IRAK3: variants seen among roughly 807,000 people sequenced by gnomAD.
The protein encoded by IRAK3 is interleukin-1 receptor-associated kinase 3.
In IRAK3, 57 loss-of-function variants were observed where a neutral mutation model predicts 56.6. The observed-to-expected ratio is 1.01, with a 90% confidence interval of 0.81 to 1.26. The LOEUF (loss-of-function observed/expected upper bound fraction) is 1.26. Ranked by LOEUF, IRAK3 falls within the 50% of genes most tolerant of loss-of-function variation. IRAK3 has a pLI of 0.00. For missense variants in IRAK3, 703 were observed against 719.0 expected (o/e 0.98, Z 0.25); for synonymous variants, 258 against 255.7 (o/e 1.01, Z -0.09).
At chr12:66,222,934 A>G (rs1269928114) in intron 6 of IRAK3, among the ~76,000 whole-genome samples, 2 of 152,074 alleles carry the variant, frequency 1.3e-5, no homozygotes, top group African/African-American at 4.8e-5. Context: ...GAGTCCGAAA[A>G]GAGAGTCAGC....
intron 1 of IRAK3, among the ~76,000 whole-genome samples, chr12:66,199,943 A>C (rs1169449194): frequency 6.6e-6 from 1 of 152,210 alleles, no homozygotes; most frequent in Non-Finnish European, 1.5e-5. Context: ...GCCTCTGTGA[A>C]ACATCATCTC....
chr12:66,254,423 T>G lies in IRAK3; in HGVS notation c.*6252T>G, dbSNP rs945939394. On this transcript the variant is annotated 3_prime_UTR_variant, in exon 12 of 12. Transcript: ENST00000261233. ...TAGACTACAGGATATATGTTGAATA[T>G]GAGCTCATTTATAACATTGAATATT... 2.0e-5 allele frequency: 3 copies of G among 152,178 alleles called. No individual in the cohort carries two copies. Among genetic ancestry groups the G allele is most frequent in the Non-Finnish European group, 4.4e-5 (3 of 68,000 alleles). The allele number at this position is 152,178 out of a possible 1,614,324, so 9.4% of individuals were successfully genotyped here. A position where few individuals can be genotyped will look rare whatever the true frequency, so the allele number is the denominator to read the frequency against.
chr12:66,217,311 C>T, intron 6 of IRAK3, 76 bp downstream of exon 6: 1 of 1,069,566 alleles, frequency 9.3e-7, no homozygotes, highest in Admixed American at 1.7e-5. Flanking sequence ...TTTTACAGCA[C>T]AGAGCTTGGC....
At chr12:66,207,941 G>C (rs2052573221) in intron 2 of IRAK3, among the ~76,000 whole-genome samples, 2 of 152,098 alleles carry the variant, frequency 1.3e-5, no homozygotes, top group Non-Finnish European at 2.9e-5. Context: ...AATTGCCTAA[G>C]GTCAGGTCTG....
At chr12:66,223,744 T>C (rs1487690124) in intron 6 of IRAK3, among the ~76,000 whole-genome samples, 3 of 150,982 alleles carry the variant, frequency 2.0e-5, no homozygotes, top group Non-Finnish European at 4.4e-5. Context: ...GACGGAGTCT[T>C]GCTCTGTCAC....
Position 66,197,909 on chromosome 12 carries a change from G to T in IRAK3, c.134-5802G>T, listed in dbSNP as rs758396727. ...CTGCACTTTTAAAAGGGAAATTCAG[G>T]AATCAAAAAAAAAACAAACAGAGAA... On this transcript the variant is annotated intron_variant, in intron 1 of 11. Coordinates refer to ENST00000261233, the MANE Select transcript of IRAK3 (RefSeq NM_007199.3). 1.4e-5 allele frequency: 14 copies of T among 979,928 alleles called. 1 individual carries two copies. The highest frequency in any genetic ancestry group is 1.6e-5 in the Non-Finnish European group (13 of 829,324). 60.7% of individuals were successfully genotyped at this position (979,928 alleles called of 1,614,324 possible).
intron 11 of IRAK3, among the ~76,000 whole-genome samples, chr12:66,246,257 G>A (rs944740838): frequency 6.6e-6 from 1 of 152,110 alleles, no homozygotes; most frequent in Non-Finnish European, 1.5e-5. Flanking sequence ...ACCTGCAAAG[G>A]CTCCAAGGTG....
Position 66,252,682 on chromosome 12 carries a change from A to G in IRAK3, c.*4511A>G, listed in dbSNP as rs2053112204. The G allele has an allele frequency of 6.6e-6, 1 of 152,200 alleles. No homozygotes were observed. Among genetic ancestry groups the G allele is most frequent in the African/African-American group, 2.4e-5 (1 of 41,434 alleles). 9.4% of individuals were successfully genotyped at this position (152,200 alleles called of 1,614,324 possible). A position where few individuals can be genotyped will look rare whatever the true frequency, so the allele number is the denominator to read the frequency against. ...ATGGAGCTTATATGTAAGTGAATAA[A>G]TCTCAGGGTGGTTCTCCTGTCATAG... On this transcript the variant is annotated 3_prime_UTR_variant, in exon 12 of 12. Transcript: ENST00000261233.
intron 8 of IRAK3, among the ~76,000 whole-genome samples, chr12:66,235,925 A>G (rs1397336983): frequency 1.3e-5 from 2 of 152,222 alleles, no homozygotes; most frequent in Non-Finnish European, 2.9e-5. Flanking sequence ...AAAATTTATT[A>G]GACAAAAATA....
chr12:66,197,316 G>A (rs888492168), intron 1 of IRAK3: 50 of 1,049,720 alleles, frequency 4.8e-5, no homozygotes, highest in South Asian at 1.8e-4. Context: ...AGTAAACAAA[G>A]TCCTATATTC....
chr12:66,238,598 A>G (rs980370869), intron 8 of IRAK3, among the ~76,000 whole-genome samples: 3 of 152,224 alleles, frequency 2.0e-5, no homozygotes, highest in African/African-American at 7.2e-5. Flanking sequence ...ATTAGTGTGC[A>G]GAAACTTGGA....
At chr12:66,209,429 A>G (rs781669737) in intron 2 of IRAK3, 27 bp from the exon 3 acceptor site, 23 of 1,510,102 alleles carry the variant, frequency 1.5e-5, no homozygotes, top group Non-Finnish European at 1.8e-6. Context: ...ATTTTTTTGT[A>G]TCTACCTTCC....
intron 2 of IRAK3, among the ~76,000 whole-genome samples, chr12:66,206,272 T>C (rs1212888199): frequency 6.6e-6 from 1 of 152,192 alleles, no homozygotes; most frequent in Admixed American, 6.6e-5. Context: ...CTTTAGCATG[T>C]TGAGTAGAAG....
At chr12:66,210,608 G>T (rs571485797) in intron 4 of IRAK3, among the ~76,000 whole-genome samples, 22 of 152,284 alleles carry the variant, frequency 1.4e-4, no homozygotes, top group African/African-American at 5.1e-4. Context: ...TGAAAATCTA[G>T]TTATCTTCCA....
intron 6 of IRAK3, among the ~76,000 whole-genome samples, chr12:66,225,583 A>C (rs1461413071): frequency 6.6e-6 from 1 of 152,218 alleles, no homozygotes; most frequent in Non-Finnish European, 1.5e-5. Context: ...AAGCCTGCCC[A>C]GAACATAGTA....
In IRAK3 at chr12:66,224,275, T is replaced by C. The variant is rs144656115; in HGVS notation, c.654-2448T>C. ...ACCTTTTCTATAAGATCCAAGTTAT[T>C]TCCTGAATCATCTTCTCAGATGTGA... On this transcript the variant is annotated intron_variant, in intron 6 of 11. Coordinates refer to ENST00000261233, the MANE Select transcript of IRAK3 (RefSeq NM_007199.3). Among the ~76,000 whole-genome samples the C allele has an allele frequency of 2.5e-3, 388 of 152,320 alleles. 5 individuals carry two copies. Among genetic ancestry groups the C allele is most frequent in the African/African-American group, 8.4e-3 (350 of 41,568 alleles).
intron 4 of IRAK3, 39 bp downstream of exon 4, chr12:66,210,240 A>G (rs1437366834): frequency 8.2e-7 from 1 of 1,218,416 alleles, no homozygotes; most frequent in Non-Finnish European, 1.2e-6. Flanking sequence ...ATTTTTTTAA[A>G]ATCATACTTT....
intron 1 of IRAK3, among the ~76,000 whole-genome samples, chr12:66,202,843 A>G (rs1013658975): frequency 2.0e-5 from 3 of 151,856 alleles, no homozygotes; most frequent in Non-Finnish European, 4.4e-5. Context: ...AAAAAAAAGA[A>G]CACAAGAGCC....
intron 11 of IRAK3, among the ~76,000 whole-genome samples, chr12:66,246,280 G>A (rs946838105): frequency 6.6e-6 from 1 of 152,174 alleles, no homozygotes; most frequent in Admixed American, 6.5e-5. Flanking sequence ...GGAGCCCATG[G>A]TGCTAAGACC....
Sources: gnomAD v4.1 joint callset for allele counts (sites outside exome capture counted in the v4.1 genomes callset) on GRCh38, gnomAD v4.1.1 for gene constraint, MANE v1.5 for transcripts, NCBI Gene and HGNC (gene_info 2026-07-23, HGNC 2026-07-21) for gene names.